The following CCAR1 variants were observed in gnomAD, a reference collection of about 807,000 sequenced individuals.
CCAR1 encodes cell division cycle and apoptosis regulator 1, also known as cell division cycle and apoptosis regulator protein 1.
In CCAR1, 78 loss-of-function variants were observed where a neutral mutation model predicts 163.8. The ratio of observed to expected loss-of-function variants is 0.48; its 90% CI spans 0.40 to 0.57. The LOEUF (loss-of-function observed/expected upper bound fraction) is 0.57, where lower values mean the gene tolerates loss of function less well. CCAR1 is among the 20% of genes least tolerant of loss of function. The probability of loss-of-function intolerance (pLI) is 0.00; values close to 1 mark genes in which losing one functional copy is unlikely to be tolerated. For missense variants in CCAR1, 1,019 were observed against 1,365.2 expected, an observed-to-expected ratio of 0.75 and a Z score of 4.00; for synonymous variants, 443 against 460.7, an observed-to-expected ratio of 0.96 and a Z score of 0.49.
intron 18 of CCAR1, 45 bp downstream of exon 18, chr10:68,771,490 A>T (rs181961441): frequency 6.8e-7 from 1 of 1,465,388 alleles, no homozygotes; most frequent in Non-Finnish European, 9.3e-7. Flanking sequence ...TTACTCTTCT[A>T]GGTTATAAAG....
intron 2 of CCAR1, among the ~76,000 whole-genome samples, chr10:68,725,046 G>C (rs986115521): frequency 6.6e-6 from 1 of 152,050 alleles, no homozygotes; most frequent in Non-Finnish European, 1.5e-5. Flanking sequence ...GCTGAAGCAG[G>C]AAAATCTCTT....
rs775631931 is a variant in CCAR1, at chr10:68,787,983, A to T, written c.2937A>T (p.Leu979Phe). 3 of 1,613,234 alleles carry T rather than the reference A, an allele frequency of 1.9e-6. No homozygotes were observed. The highest frequency in any genetic ancestry group is 2.5e-6 in the Non-Finnish European group (3 of 1,179,440). The change falls in exon 22 of 25, where the codon TTA becomes TTT. Residue 979 changes from leucine to phenylalanine, a missense_variant. This residue lies in a region of CCAR1 where 358 missense variants were observed against 406.4 expected (regional missense o/e 0.88). Coordinates refer to ENST00000265872, the MANE Select transcript of CCAR1 (RefSeq NM_018237.4). ...GTGAATCTTGCTTTTACCGGAAATT[A>T]ACAGACACCTCAAAAGATGAAGAGA... Reference protein sequence around the residue: ...VLRESCFYRKLTDTSKDEENH... With the variant: ...VLRESCFYRKFTDTSKDEENH...
intron 6 of CCAR1, among the ~76,000 whole-genome samples, chr10:68,743,859 C>G (rs2056218069): frequency 6.6e-6 from 1 of 152,252 alleles, no homozygotes; most frequent in East Asian, 1.9e-4. Context: ...CAAGTAGTTC[C>G]CTGCCTCAGG....
In CCAR1 at chr10:68,733,321, G is replaced by A. The variant is rs117855127; in HGVS notation, c.74-3555G>A. Reference sequence around the variant, plus strand: ...AGCTACTCTGGAGGCTGAGGGAGGAGGATCACCTGAGTTCGGGAGGTTGAG... The same window carrying A: ...AGCTACTCTGGAGGCTGAGGGAGGAAGATCACCTGAGTTCGGGAGGTTGAG... On this transcript the variant is annotated intron_variant, in intron 2 of 24. Transcript: ENST00000265872. Among the ~76,000 whole-genome samples the A allele has an allele frequency of 3.9e-3, 591 of 152,232 alleles. 2 individuals are homozygous for A. The highest frequency in any genetic ancestry group is 6.3e-3 in the Non-Finnish European group (430 of 68,032).
At chr10:68,722,632 ACGTGAAT>A in intron 2 of CCAR1, 55 bp downstream of exon 2, 1 of 1,381,956 alleles carries the variant, frequency 7.2e-7, no homozygotes, top group Non-Finnish European at 1.0e-6. Flanking sequence ...TGTTAAAACT[ACGTGAAT>A]TAGGGCCGGG....
At chr10:68,761,303 T>C in intron 16 of CCAR1, 111 bp downstream of exon 16, 2 of 432,888 alleles carry the variant, frequency 4.6e-6, no homozygotes, top group Non-Finnish European at 7.5e-6. Flanking sequence ...TTATTTAATT[T>C]AATTAATTAA....
chr10:68,760,250 C>T (rs553746336), intron 15 of CCAR1, among the ~76,000 whole-genome samples: 1 of 152,240 alleles, frequency 6.6e-6, no homozygotes, highest in South Asian at 2.1e-4. Context: ...TGGGCTCAAG[C>T]AGTCTTCCCA....
intron 8 of CCAR1, among the ~76,000 whole-genome samples, chr10:68,748,094 T>A (rs1473075497): frequency 6.6e-6 from 1 of 152,214 alleles, no homozygotes; most frequent in Non-Finnish European, 1.5e-5. Context: ...CTTCAAGTTA[T>A]CCGCCCACTT....
chr10:68,758,043 A>G (rs1412377758), intron 15 of CCAR1, among the ~76,000 whole-genome samples: 1 of 151,944 alleles, frequency 6.6e-6, no homozygotes, highest in Non-Finnish European at 1.5e-5. Flanking sequence ...GCCTGGCCGT[A>G]ATTTGGTTTT....
At chr10:68,734,492 TTTTTTTC>T (rs1457623890) in intron 2 of CCAR1, among the ~76,000 whole-genome samples, 4 of 152,024 alleles carry the variant, frequency 2.6e-5, no homozygotes, top group Admixed American at 2.6e-4. Context: ...CATTTCCTTT[TTTTTTTC>T]TTTTTTCTTT....
At chr10:68,768,776 C>T (rs913608202) in intron 17 of CCAR1, among the ~76,000 whole-genome samples, 1 of 151,960 alleles carries the variant, frequency 6.6e-6, no homozygotes, top group Non-Finnish European at 1.5e-5. Context: ...CTGAGGCCAG[C>T]CTGGGCCAAC....
chr10:68,758,882 A>G (rs1424587174), intron 15 of CCAR1, among the ~76,000 whole-genome samples: 1 of 151,810 alleles, frequency 6.6e-6, no homozygotes, highest in East Asian at 1.9e-4. Context: ...CATATTGGCC[A>G]GGCTGGTCTG....
intron 2 of CCAR1, among the ~76,000 whole-genome samples, chr10:68,734,331 C>T (rs2056079865): frequency 6.6e-6 from 1 of 151,822 alleles, no homozygotes; most frequent in Non-Finnish European, 1.5e-5. Context: ...TGAGCAAATA[C>T]TGGTTTTTAC....
At chr10:68,754,130 T>A in intron 11 of CCAR1, 53 bp downstream of exon 11, 1 of 1,225,924 alleles carries the variant, frequency 8.2e-7, no homozygotes. Context: ...TTATTCATAA[T>A]AAAAGGGTAT....
chr10:68,765,406 A>G (rs984767335), intron 16 of CCAR1, among the ~76,000 whole-genome samples: 1 of 152,136 alleles, frequency 6.6e-6, no homozygotes, highest in Non-Finnish European at 1.5e-5. Flanking sequence ...CTTTGGACAC[A>G]TTCATCAGTA....
intron 10 of CCAR1, among the ~76,000 whole-genome samples, 160 bp downstream of exon 10, chr10:68,749,845 A>G (rs548627807): frequency 1.5e-4 from 23 of 152,356 alleles, no homozygotes; most frequent in African/African-American, 4.6e-4. Context: ...ATTATCTACA[A>G]TGCTGCATTA....
At chr10:68,778,822 T>C (rs2056699298) in intron 19 of CCAR1, among the ~76,000 whole-genome samples, 1 of 152,188 alleles carries the variant, frequency 6.6e-6, no homozygotes, top group Non-Finnish European at 1.5e-5. Context: ...TTATATCTCA[T>C]GATCCTGTTA....
chr10:68,786,303 T>C, intron 20 of CCAR1, 85 bp downstream of exon 20: 1 of 956,500 alleles, frequency 1.0e-6, no homozygotes, highest in Non-Finnish European at 1.6e-6. Context: ...TTATTAGTCC[T>C]TATACATCTT....
intron 2 of CCAR1, among the ~76,000 whole-genome samples, chr10:68,736,327 C>T (rs1054121226): frequency 4.1e-5 from 1 of 24,232 alleles, no homozygotes; most frequent in African/African-American, 3.6e-4. Context: ...TGCATTACTT[C>T]ACCTACTTAT....
Sources: allele counts gnomAD v4.1 joint callset (sites outside exome capture counted in the v4.1 genomes callset), GRCh38; gene constraint gnomAD v4.1.1; regional missense constraint gnomAD v4.1.1; transcripts MANE v1.5; gene names NCBI Gene and HGNC (gene_info 2026-07-23, HGNC 2026-07-21).